The following PPARGC1A variants were observed in gnomAD, a reference collection of about 807,000 sequenced individuals.
The protein encoded by PPARGC1A is peroxisome proliferator-activated receptor gamma coactivator 1-alpha.
A neutral mutation model predicts 88.7 loss-of-function variants in PPARGC1A; 25 were observed. That is an observed-to-expected ratio of 0.28 (90% CI 0.21 to 0.39). The LOEUF (loss-of-function observed/expected upper bound fraction) is 0.39. Ranked by LOEUF, PPARGC1A falls within the 10% of genes least tolerant of loss-of-function variation. PPARGC1A has a pLI of 1.00. For missense variants in PPARGC1A, 880 were observed against 968.7 expected (o/e 0.91, Z 1.22); for synonymous variants, 363 against 355.6 (o/e 1.02, Z -0.24).
At chr4:24,445,107 AC>A in the PPARGC1A span, among the ~76,000 whole-genome samples, 5 of 152,206 alleles carry the variant, frequency 3.3e-5, no homozygotes, top group African/African-American at 1.2e-4. Context: ...GCATCCCTAC[AC>A]TGACCTGACA....
intron 1 of PPARGC1A, among the ~76,000 whole-genome samples, chr4:23,889,537 T>C (rs1717493519): frequency 6.6e-6 from 1 of 152,144 alleles, no homozygotes; most frequent in Admixed American, 6.5e-5. Context: ...TAAATAGAAA[T>C]GGCATTTTTC....
the PPARGC1A span, among the ~76,000 whole-genome samples, chr4:24,297,462 C>A: frequency 1.3e-5 from 2 of 152,264 alleles, no homozygotes; most frequent in Non-Finnish European, 1.5e-5. Context: ...ACACAATTTA[C>A]CTTCATGAGC....
chr4:24,372,389 T>C, the PPARGC1A span, among the ~76,000 whole-genome samples: 2 of 152,164 alleles, frequency 1.3e-5, no homozygotes, highest in Non-Finnish European at 2.9e-5. Context: ...GCATTTGTAG[T>C]TTTTTAAGCT....
rs543970881 is a variant in PPARGC1A at position 23,860,987 on chromosome 4, A to G, written c.234+23765T>C. Among the ~76,000 whole-genome samples, 9 of 152,306 alleles carry G rather than the reference A, an allele frequency of 5.9e-5. No individual in the cohort carries two copies. The East Asian group carries it at 1.7e-3, about 29-fold the overall frequency. ...GTTGCATGCTTGGATATTTATCTTCATCCAATCAGCAGTACAGCTGTTACC... is the reference window on the plus strand; with the variant it reads ...GTTGCATGCTTGGATATTTATCTTCGTCCAATCAGCAGTACAGCTGTTACC... On this transcript the variant is annotated intron_variant, in intron 2 of 12. Transcript: ENST00000264867.
the PPARGC1A span, among the ~76,000 whole-genome samples, chr4:23,912,160 A>G: frequency 1.3e-5 from 2 of 152,128 alleles, no homozygotes; most frequent in African/African-American, 2.4e-5. Flanking sequence ...GGTTCTAGAA[A>G]ATTCCCAATG....
At chr4:24,009,147 A>AC in the PPARGC1A span, among the ~76,000 whole-genome samples, 1 of 76,790 alleles carries the variant, frequency 1.3e-5, no homozygotes, top group Non-Finnish European at 3.3e-5. Flanking sequence ...AAAAAAAAAA[A>AC]AAAAGAGAGA....
At chr4:24,021,958 A>T in the PPARGC1A span, among the ~76,000 whole-genome samples, 3 of 152,184 alleles carry the variant, frequency 2.0e-5, no homozygotes, top group African/African-American at 7.2e-5. Flanking sequence ...CTCTGTCTTT[A>T]AGAAAGGCCA....
the PPARGC1A span, among the ~76,000 whole-genome samples, chr4:24,345,765 C>A: frequency 6.6e-6 from 1 of 152,070 alleles, no homozygotes; most frequent in African/African-American, 2.4e-5. Context: ...ATTCGGATGT[C>A]CTTTATTTCT....
At chr4:24,418,286 A>G in the PPARGC1A span, among the ~76,000 whole-genome samples, 3 of 152,340 alleles carry the variant, frequency 2.0e-5, no homozygotes, top group Non-Finnish European at 4.4e-5. Flanking sequence ...CTTCTAAGCA[A>G]CAGAGGGCCA....
the PPARGC1A span, among the ~76,000 whole-genome samples, chr4:24,239,140 T>G: frequency 6.6e-6 from 1 of 152,158 alleles, no homozygotes. Flanking sequence ...AAAGTCAGGT[T>G]CAACTTAGTC....
the PPARGC1A span, among the ~76,000 whole-genome samples, chr4:24,141,242 C>A: frequency 6.6e-6 from 1 of 152,242 alleles, no homozygotes. Flanking sequence ...TGAAGAGTCA[C>A]AGAGAACAAG....
chr4:23,851,165 T>C (rs750591007), intron 2 of PPARGC1A, among the ~76,000 whole-genome samples: 9 of 152,188 alleles, frequency 5.9e-5, no homozygotes, highest in Non-Finnish European at 1.0e-4. Flanking sequence ...ATTTCATCAC[T>C]GGAACAAAAA....
At chr4:24,324,295 G>A in the PPARGC1A span, among the ~76,000 whole-genome samples, 12 of 152,038 alleles carry the variant, frequency 7.9e-5, no homozygotes, top group South Asian at 2.1e-4. Flanking sequence ...CACCCTTAGC[G>A]GCAAGTCCCG....
the PPARGC1A span, among the ~76,000 whole-genome samples, chr4:24,146,729 T>G: frequency 6.6e-6 from 1 of 152,198 alleles, no homozygotes; most frequent in African/African-American, 2.4e-5. Context: ...TTGGTTGGAA[T>G]GGGGCACTAG....
chr4:24,285,040 A>C, the PPARGC1A span, among the ~76,000 whole-genome samples: 1 of 150,612 alleles, frequency 6.6e-6, no homozygotes, highest in African/African-American at 2.5e-5. Context: ...AAAAGTAAAA[A>C]AGAAAGAAGA....
At chr4:23,796,318 T>C (rs1296664743) in intron 12 of PPARGC1A, among the ~76,000 whole-genome samples, 1 of 152,124 alleles carries the variant, frequency 6.6e-6, no homozygotes, top group Non-Finnish European at 1.5e-5. Context: ...TAATTGAGCA[T>C]AAAATCCAGT....
intron 2 of PPARGC1A, among the ~76,000 whole-genome samples, chr4:23,869,861 T>C (rs1712901831): frequency 1.3e-5 from 2 of 152,152 alleles, no homozygotes; most frequent in African/African-American, 4.8e-5. Flanking sequence ...GGAAATTGCT[T>C]ACTTAACGAT....
chr4:24,355,588 C>T, the PPARGC1A span, among the ~76,000 whole-genome samples: 198 of 152,178 alleles, frequency 1.3e-3, no homozygotes, highest in African/African-American at 4.4e-3. Flanking sequence ...CACTTTCTAA[C>T]GCTTTTTAGC....
the PPARGC1A span, among the ~76,000 whole-genome samples, chr4:24,046,293 C>G: frequency 2.0e-5 from 3 of 152,290 alleles, 1 homozygote; most frequent in South Asian, 6.2e-4. Flanking sequence ...TAGGTTTCCT[C>G]TCTTAGGAAA....
Sources: gnomAD v4.1 joint callset for allele counts (sites outside exome capture counted in the v4.1 genomes callset) on GRCh38, gnomAD v4.1.1 for gene constraint, MANE v1.5 for transcripts, NCBI Gene and HGNC (gene_info 2026-07-23, HGNC 2026-07-21) for gene names.